Variants in MDGA1 observed in about 807,000 individuals in gnomAD.
MDGA1 encodes MAM domain-containing glycosylphosphatidylinositol anchor protein 1.
Under a neutral mutation model 101.5 loss-of-function variants are expected in MDGA1, and 54 were observed. The ratio of observed to expected loss-of-function variants is 0.53; its 90% CI spans 0.43 to 0.67. MDGA1 has a LOEUF of 0.67. Among genes scored for constraint, MDGA1 ranks in the 30% least tolerant of loss-of-function variants. MDGA1 has a pLI of 0.00. For missense variants in MDGA1, 1,083 were observed against 1,323.8 expected (o/e 0.82, Z 2.82); for synonymous variants, 533 against 558.3 (o/e 0.95, Z 0.64).
Position 37,655,562 on chromosome 6 carries a change from C to T in MDGA1, c.579+138G>A. On this transcript the variant is annotated intron_variant, in intron 4 of 16. Coordinates refer to ENST00000434837, the MANE Select transcript of MDGA1 (RefSeq NM_153487.4). The surrounding 1 kb of genome is among the most constrained non-coding windows in gnomAD (Gnocchi z 5.1). ...ATTTTTCTGCCCCAGGCTGTCTGAA[C>T]TCCAATCAGAATGTGTGTTTCCAAA... 1 of 698,850 alleles carries T rather than the reference C, an allele frequency of 1.4e-6. No homozygotes were observed. Among genetic ancestry groups the T allele is most frequent in the Non-Finnish European group, 2.4e-6 (1 of 419,220 alleles). The allele number at this position is 698,850 out of a possible 1,614,324, so 43.3% of individuals were successfully genotyped here.
chr6:37,660,086 C>A (rs562815769), intron 2 of MDGA1, among the ~76,000 whole-genome samples: 17 of 149,358 alleles, frequency 1.1e-4, no homozygotes, highest in East Asian at 7.9e-4. Flanking sequence ...GTCACCCAGG[C>A]TGGAGTGCAG....
Position 37,630,802 on chromosome 6 carries a change from T to C in MDGA1, c.*6566A>G, listed in dbSNP as rs1763811387. ...TCTGAGGCAGCTGCACTCCCATATCTTCTGGTGCTTTGGTGGAGATGGCTG... is the reference window on the plus strand; with the variant it reads ...TCTGAGGCAGCTGCACTCCCATATCCTCTGGTGCTTTGGTGGAGATGGCTG... On this transcript the variant is annotated 3_prime_UTR_variant, in exon 17 of 17. Transcript: ENST00000434837. 6.6e-6 allele frequency: 1 copy of C among 152,426 alleles called. No individual in the cohort carries two copies. Among genetic ancestry groups the C allele is most frequent in the South Asian group, 2.1e-4 (1 of 4,826 alleles). 9.4% of individuals were successfully genotyped at this position (152,426 alleles called of 1,614,324 possible). A position where few individuals can be genotyped will look rare whatever the true frequency, so the allele number is the denominator to read the frequency against.
intron 1 of MDGA1, among the ~76,000 whole-genome samples, chr6:37,673,413 T>C (rs1393163602): frequency 6.6e-6 from 1 of 152,260 alleles, no homozygotes; most frequent in Non-Finnish European, 1.5e-5. Context: ...AGTGCTGAAA[T>C]ATTAACAGGC....
In MDGA1 at chr6:37,696,862, C is replaced by CG. The variant is rs1406928375; in HGVS notation, c.-52dup. 13 of 1,507,594 alleles carry CG rather than the reference C, an allele frequency of 8.6e-6. No individual in the cohort carries two copies. The highest frequency in any genetic ancestry group is 2.8e-5 in the African/African-American group (2 of 72,224). 93.4% of individuals were successfully genotyped at this position (1,507,594 alleles called of 1,614,324 possible). A position where few individuals can be genotyped will look rare whatever the true frequency, so the allele number is the denominator to read the frequency against. ...CGAGGCGGCGCAGCCCGAGAGGCGG[C>CG]GGGGGGCGCATTCGCCGGGGCCCCG... On this transcript the variant is annotated 5_prime_UTR_variant, in exon 1 of 17. It removes the in-frame stop codon of an upstream open reading frame in the 5' UTR. Coordinates refer to ENST00000434837, the MANE Select transcript of MDGA1 (RefSeq NM_153487.4). This position sits in a 1 kb window ranked among gnomAD's most constrained non-coding sequence, Gnocchi z 5.6.
intron 8 of MDGA1, 94 bp from the exon 9 acceptor site, chr6:37,649,360 C>T: frequency 2.2e-6 from 3 of 1,390,754 alleles, no homozygotes; most frequent in Non-Finnish European, 2.8e-6. Context: ...CCTCTAATGC[C>T]GTGAGCCCCC....
Position 37,638,359 on chromosome 6 carries a change from G to T in MDGA1, c.2668-46C>A. 2 of 1,544,594 alleles carry T rather than the reference G, an allele frequency of 1.3e-6. No homozygotes were observed. Among genetic ancestry groups the T allele is most frequent in the Non-Finnish European group, 8.8e-7 (1 of 1,133,504 alleles). Reference sequence around the variant, plus strand: ...AAGGAGCAAGGGTTGAGGAGGTTCTGCTGGGTACCAGAGTGCTCCCTCGAC... The same window carrying T: ...AAGGAGCAAGGGTTGAGGAGGTTCTTCTGGGTACCAGAGTGCTCCCTCGAC... On this transcript the variant is annotated intron_variant, in intron 15 of 16. Coordinates refer to ENST00000434837, the MANE Select transcript of MDGA1 (RefSeq NM_153487.4). This position sits in a 1 kb window ranked among gnomAD's most constrained non-coding sequence, Gnocchi z 4.8.
intron 1 of MDGA1, among the ~76,000 whole-genome samples, chr6:37,689,438 ATT>A (rs1762264025): frequency 6.6e-6 from 1 of 152,118 alleles, no homozygotes; most frequent in Admixed American, 6.5e-5. Flanking sequence ...CTTCACTCAC[ATT>A]GTCACTAAAA....
At position 37,673,279 on chromosome 6, in the gene MDGA1, C is replaced by T. The variant is rs538686888; in HGVS notation, c.68-9173G>A. On this transcript the variant is annotated intron_variant, in intron 1 of 16. Transcript: ENST00000434837. ...TGGTGGGACCGATGCTGTGCAGCAT[C>T]CTCAGAAACCGTCCCTCCCTCGCCG... Among the ~76,000 whole-genome samples, 9 of 152,346 alleles carry T rather than the reference C, an allele frequency of 5.9e-5. No individual in the cohort carries two copies. In the South Asian group the frequency reaches 1.7e-3, roughly 28 times the overall value.
chr6:37,696,767 G>A lies in MDGA1; in HGVS notation c.45C>T (p.His15=), dbSNP rs757581445. 6 of 1,584,682 alleles carry A rather than the reference G, an allele frequency of 3.8e-6. No individual in the cohort carries two copies. The South Asian group carries it at 6.9e-5, about 18-fold the overall frequency. The change falls in exon 1 of 17, where the codon CAC becomes CAT. Residue 15 remains histidine, a synonymous_variant. Transcript: ENST00000434837. This position sits in a 1 kb window ranked among gnomAD's most constrained non-coding sequence, Gnocchi z 5.6. ...TACCGTAGACTCCTTGTCCCCGGCA[G>A]TGGAAGGGGATCAGCGCCAGAAGTA... The part of the protein sequence containing the change: ...CLLLLALIPF[H]CRGQGVYAPA...
chr6:37,672,789 G>A (rs1761898263), intron 1 of MDGA1, among the ~76,000 whole-genome samples: 1 of 152,140 alleles, frequency 6.6e-6, no homozygotes, highest in Non-Finnish European at 1.5e-5. Context: ...TGGTTCTGAG[G>A]TAACAGAGAG....
rs781266570 is a variant in MDGA1 at position 37,652,096 on chromosome 6, G to A, written c.1227C>T (p.Asp409=). The change falls in exon 7 of 17, where the codon GAC becomes GAT. Residue 409 remains aspartate, a synonymous_variant. Coordinates refer to ENST00000434837, the MANE Select transcript of MDGA1 (RefSeq NM_153487.4). The surrounding 1 kb of genome is among the most constrained non-coding windows in gnomAD (Gnocchi z 4.3). ...AAGCCATGCACAGGTAGGTGCCATA[G>A]TCACTGAAGTGCAGGTCAATGAGCT... The part of the protein sequence containing the change: ...SLELIDLHFS[D]YGTYLCMASF... 11 of 1,613,710 alleles carry A rather than the reference G, an allele frequency of 6.8e-6. No homozygotes were observed. Among genetic ancestry groups the A allele is most frequent in the Middle Eastern group, 1.6e-4 (1 of 6,062 alleles).
Position 37,638,770 on chromosome 6 carries a change from T to C in MDGA1, c.2537-103A>G, listed in dbSNP as rs1490915196. On this transcript the variant is annotated intron_variant, in intron 14 of 16. Transcript: ENST00000434837. This position sits in a 1 kb window ranked among gnomAD's most constrained non-coding sequence, Gnocchi z 4.8. ...TCTCCCACCATAGCCTGCAGCCCTG[T>C]CCCTGTTGACAGGACCTCCTCCCCA... 2 of 1,470,752 alleles carry C rather than the reference T, an allele frequency of 1.4e-6. No homozygotes were observed. The highest frequency in any genetic ancestry group is 5.0e-5 in the East Asian group (2 of 39,980). The allele number at this position is 1,470,752 out of a possible 1,614,324, so 91.1% of individuals were successfully genotyped here. A position where few individuals can be genotyped will look rare whatever the true frequency, so the allele number is the denominator to read the frequency against.
At position 37,631,828 on chromosome 6, in the gene MDGA1, A is replaced by G. The variant is rs1425778099; in HGVS notation, c.*5540T>C. On this transcript the variant is annotated 3_prime_UTR_variant, in exon 17 of 17. Transcript: ENST00000434837. ...CAAGGATGCAGCTAGCTGGTGGTGA[A>G]TAAGGGAGGCAGCCCCAAGTAGGGT... is the stretch of plus-strand genomic sequence containing the variant. 1 of 152,248 alleles carries G rather than the reference A, an allele frequency of 6.6e-6. No individual in the cohort carries two copies. The highest frequency in any genetic ancestry group is 2.4e-5 in the African/African-American group (1 of 41,442). The allele number at this position is 152,248 out of a possible 1,614,324, so 9.4% of individuals were successfully genotyped here.
chr6:37,655,038 C>T lies in MDGA1; in HGVS notation c.580-106G>A. ...GCCTACCACAAATGCCTGTCTAATT[C>T]CTCTCTTTCCATCCCCAACCCCACC... On this transcript the variant is annotated intron_variant, in intron 4 of 16. Coordinates refer to ENST00000434837, the MANE Select transcript of MDGA1 (RefSeq NM_153487.4). The surrounding 1 kb of genome is among the most constrained non-coding windows in gnomAD (Gnocchi z 5.1). The T allele has an allele frequency of 1.4e-6, 2 of 1,386,654 alleles. No individual in the cohort carries two copies. Among genetic ancestry groups the T allele is most frequent in the African/African-American group, 1.4e-5 (1 of 69,892 alleles). 85.9% of individuals were successfully genotyped at this position (1,386,654 alleles called of 1,614,324 possible).
At chr6:37,648,611 T>G (rs2114015240) in intron 9 of MDGA1, 1 of 309,614 alleles carries the variant, frequency 3.2e-6, no homozygotes. Context: ...AAGGCTATGT[T>G]TGAAAGCGGC....
chr6:37,682,256 G>A (rs1010381532), intron 1 of MDGA1, among the ~76,000 whole-genome samples: 2 of 152,324 alleles, frequency 1.3e-5, no homozygotes, highest in African/African-American at 4.8e-5. Context: ...AGGCCGAGGT[G>A]GGCAGATCAC....
At chr6:37,648,891 A>G in intron 9 of MDGA1, 91 bp downstream of exon 9, 2 of 1,463,524 alleles carry the variant, frequency 1.4e-6, no homozygotes, top group South Asian at 1.4e-5. Context: ...CAGCAGGCCC[A>G]CCCAGGCAAA....
chr6:37,639,478 C>T (rs1764013159), intron 14 of MDGA1: 1 of 152,348 alleles, frequency 6.6e-6, no homozygotes, highest in South Asian at 2.1e-4. Flanking sequence ...CTTCCCATCG[C>T]TGTCCTTCTC....
At chr6:37,648,836 G>A in intron 9 of MDGA1, 146 bp downstream of exon 9, 1 of 1,382,284 alleles carries the variant, frequency 7.2e-7, no homozygotes, top group South Asian at 1.6e-5. Context: ...GGCGGGTCTT[G>A]GAAAGGCCGG....
Sources: gnomAD v4.1 joint callset for allele counts (sites outside exome capture counted in the v4.1 genomes callset) on GRCh38, gnomAD v4.1.1 for gene constraint, Gnocchi (gnomAD v3.1) non-coding constraint, MANE v1.5 for transcripts, NCBI Gene and HGNC (gene_info 2026-07-23, HGNC 2026-07-21) for gene names.